Variants in CTPS2 observed in about 807,000 individuals in gnomAD.
The protein encoded by CTPS2 is CTP synthase II.
Under a neutral mutation model 46.8 loss-of-function variants are expected in CTPS2, and 19 were observed. The ratio of observed to expected loss-of-function variants is 0.41; its 90% CI spans 0.28 to 0.60. The LOEUF is 0.60. CTPS2 is among the 20% of genes least tolerant of loss of function. The probability of loss-of-function intolerance (pLI) is 0.35; values close to 1 mark genes in which losing one functional copy is unlikely to be tolerated. For synonymous variants in CTPS2, 151 were observed against 165.2 expected, an observed-to-expected ratio of 0.91 and a Z score of 0.66; for missense variants, 286 against 447.6, an observed-to-expected ratio of 0.64 and a Z score of 3.26.
intron 1 of CTPS2, among the ~76,000 whole-genome samples, chrX:16,705,326 C>T (rs1164451631): frequency 8.9e-6 from 1 of 112,428 alleles, no homozygotes; most frequent in East Asian, 2.8e-4. Context: ...GTCAAAACTA[C>T]AGCTTTTATT....
At chrX:16,675,697 G>A (rs182607902) in intron 10 of CTPS2, among the ~76,000 whole-genome samples, 179 of 111,295 alleles carry the variant, frequency 1.6e-3, no homozygotes, top group Non-Finnish European at 3.0e-3. Context: ...GTATTGTTTT[G>A]GTCCTCTTTA....
chrX:16,609,447 A>C, intron 17 of CTPS2, 94 bp downstream of exon 17: 1 of 911,423 alleles, frequency 1.1e-6, no homozygotes, highest in Non-Finnish European at 1.5e-6. Context: ...CTTCACATTT[A>C]AAAATTCTAT....
At chrX:16,698,649 C>T (rs939596253) in intron 3 of CTPS2, among the ~76,000 whole-genome samples, 6 of 110,587 alleles carry the variant, frequency 5.4e-5, no homozygotes, top group African/African-American at 1.3e-4. Context: ...CTCCTGGGTT[C>T]GAGCAATTCT....
chrX:16,703,016 G>T (rs878976197), intron 1 of CTPS2, 75 bp from the exon 2 acceptor site: 10 of 524,685 alleles, frequency 1.9e-5, no homozygotes, highest in Non-Finnish European at 2.8e-5. Flanking sequence ...TATTCAACCA[G>T]AATTAATTTT....
At chrX:16,640,500 G>C (rs1240116473) in intron 13 of CTPS2, among the ~76,000 whole-genome samples, 1 of 111,537 alleles carries the variant, frequency 9.0e-6, no homozygotes, top group Non-Finnish European at 1.9e-5. Flanking sequence ...TCTGGCGAGT[G>C]CTTTGTGGGA....
chrX:16,594,856 T>C (rs1011535815), intron 17 of CTPS2, among the ~76,000 whole-genome samples: 5 of 112,460 alleles, frequency 4.4e-5, no homozygotes, highest in Non-Finnish European at 7.5e-5. Flanking sequence ...AAGAACACAA[T>C]TATCAAAATA....
At chrX:16,678,519 T>A in intron 9 of CTPS2, 69 bp from the exon 10 acceptor site, 2 of 620,267 alleles carry the variant, frequency 3.2e-6, no homozygotes, top group Non-Finnish European at 2.6e-6. Context: ...TGCAGCCATC[T>A]AATACTATGA....
At chrX:16,662,729 A>G (rs1259064537) in intron 13 of CTPS2, among the ~76,000 whole-genome samples, 2 of 104,868 alleles carry the variant, frequency 1.9e-5, no homozygotes, top group Admixed American at 1.1e-4. Context: ...AAGACTTCTC[A>G]CATCGATACA....
chrX:16,660,965 T>C (rs1932932900), intron 13 of CTPS2, among the ~76,000 whole-genome samples: 1 of 109,875 alleles, frequency 9.1e-6, no homozygotes, highest in African/African-American at 3.3e-5. Flanking sequence ...AGCTGCATTT[T>C]TTTTTTTTTT....
At position 16,638,998 on chromosome X, in the gene CTPS2, G is replaced by A. The variant is rs150074012; in HGVS notation, c.1393+149C>T. 364 of 550,863 alleles carry A rather than the reference G, an allele frequency of 6.6e-4. No individual in the cohort carries two copies. The African/African-American group carries it at 7.4e-3, about 11-fold the overall frequency. 45.4% of individuals were successfully genotyped at this position (550,863 alleles called of 1,213,427 possible). On this transcript the variant is annotated intron_variant, in intron 14 of 18. Transcript: ENST00000359276. ...AATGCCCAGAGCAGAGGGTCAGTGA[G>A]GGCAGGGGAGATGGGAAGAGAGAGA... is the stretch of plus-strand genomic sequence containing the variant.
chrX:16,698,116 A>G (rs1173168960), intron 4 of CTPS2, 120 bp downstream of exon 4: 34 of 522,116 alleles, frequency 6.5e-5, no homozygotes, highest in Non-Finnish European at 1.0e-4. Context: ...CTGTGACCCC[A>G]CCTCCTAGCC....
Position 16,678,539 on chromosome X carries a change from C to T in CTPS2, c.1006-89G>A, listed in dbSNP as rs1268341383. 3 of 540,470 alleles carry T rather than the reference C, an allele frequency of 5.6e-6. No individual in the cohort carries two copies. The African/African-American group carries it at 7.0e-5, about 13-fold the overall frequency. 44.5% of individuals were successfully genotyped at this position (540,470 alleles called of 1,213,427 possible). ...CCATCTAATACTATGACACATTATT[C>T]AATAATTACTTATTATGCAAACACT... On this transcript the variant is annotated intron_variant, in intron 9 of 18. Transcript: ENST00000359276.
At position 16,704,993 on chromosome X, in the gene CTPS2, C is replaced by T. The variant is rs185171384; in HGVS notation, c.-39-2052G>A. Among the ~76,000 whole-genome samples the T allele has an allele frequency of 2.8e-5, 3 of 108,583 alleles. No individual in the cohort carries two copies. The East Asian group carries it at 8.8e-4, about 32-fold the overall frequency. The allele number at this position is 108,583 out of a possible 115,157, so 94.3% of individuals were successfully genotyped here. ...CTATGATCTTTAGGCAAAAATGATGCGTCAATGTAGGTTCACTGATTATAA... is the reference window on the plus strand; with the variant it reads ...CTATGATCTTTAGGCAAAAATGATGTGTCAATGTAGGTTCACTGATTATAA... On this transcript the variant is annotated intron_variant, in intron 1 of 18. Coordinates refer to ENST00000359276, the MANE Select transcript of CTPS2 (RefSeq NM_175859.3).
intron 1 of CTPS2, among the ~76,000 whole-genome samples, chrX:16,711,041 T>C (rs983560556): frequency 2.7e-5 from 3 of 112,246 alleles, no homozygotes; most frequent in Non-Finnish European, 5.6e-5. Context: ...AGTTTTTCAT[T>C]TACTCTTACA....
chrX:16,597,514 T>C (rs1208149295), intron 17 of CTPS2, among the ~76,000 whole-genome samples: 6 of 111,517 alleles, frequency 5.4e-5, no homozygotes, highest in Admixed American at 1.9e-4. Context: ...AGATATGCGG[T>C]GTTATTTCTG....
chrX:16,637,900 A>G (rs1032937457), intron 14 of CTPS2, among the ~76,000 whole-genome samples: 1 of 112,027 alleles, frequency 8.9e-6, no homozygotes, highest in Non-Finnish European at 1.9e-5. Context: ...GTTTATATTC[A>G]TCTTTAAAGG....
chrX:16,591,787 C>T (rs1387003875), intron 17 of CTPS2, among the ~76,000 whole-genome samples: 1 of 111,172 alleles, frequency 9.0e-6, no homozygotes. Context: ...AAAAGGCCCT[C>T]AGGTGAGAGG....
chrX:16,604,186 T>C (rs1929839359), intron 17 of CTPS2, among the ~76,000 whole-genome samples: 2 of 111,750 alleles, frequency 1.8e-5, no homozygotes, highest in Non-Finnish European at 1.9e-5. Context: ...GAGACAGTAA[T>C]TGCTGGATGG....
intron 16 of CTPS2, among the ~76,000 whole-genome samples, chrX:16,615,147 G>T (rs748747082): frequency 1.4e-3 from 149 of 110,145 alleles, no homozygotes; most frequent in African/African-American, 4.8e-3. Flanking sequence ...CTGCACTCCA[G>T]CTTGGGCAAC....
Sources: gnomAD v4.1 joint callset for allele counts (sites outside exome capture counted in the v4.1 genomes callset) on GRCh38, gnomAD v4.1.1 for gene constraint, MANE v1.5 for transcripts, NCBI Gene and HGNC (gene_info 2026-07-23, HGNC 2026-07-21) for gene names.